Variants in PRDM11 observed in about 807,000 individuals in gnomAD.
PRDM11 encodes PR domain-containing protein 11.
A neutral mutation model predicts 97.8 loss-of-function variants in PRDM11; 20 were observed. The observed-to-expected ratio is 0.20, with a 90% CI of 0.14 to 0.30. The LOEUF is 0.30. Ranked by LOEUF, PRDM11 falls within the 10% of genes least tolerant of loss-of-function variation. PRDM11 has a pLI of 1.00. For synonymous variants in PRDM11, 599 were observed against 637.7 expected (o/e 0.94, Z 0.91); for missense variants, 1,139 against 1,555.2 (o/e 0.73, Z 4.50).
intron 1 of PRDM11, among the ~76,000 whole-genome samples, chr11:45,125,062 T>C (rs1360691030): frequency 6.6e-6 from 1 of 152,152 alleles, no homozygotes; most frequent in Non-Finnish European, 1.5e-5. Flanking sequence ...CCTGGTTTAG[T>C]CTTGGGATGG....
intron 4 of PRDM11, 148 bp downstream of exon 4, chr11:45,183,271 G>A: frequency 8.5e-7 from 1 of 1,179,738 alleles, no homozygotes; most frequent in Non-Finnish European, 1.2e-6. Context: ...CTGTCCCCTG[G>A]CCCCGGCTGA....
chr11:45,183,476 T>G (rs1852592749), intron 4 of PRDM11, among the ~76,000 whole-genome samples: 1 of 152,198 alleles, frequency 6.6e-6, no homozygotes, highest in African/African-American at 2.4e-5. Flanking sequence ...CCTTTGGGGA[T>G]GCAGAGCATG....
In PRDM11 at chr11:45,130,674, A is replaced by G. The variant is rs532355667; in HGVS notation, c.96+34773A>G. Among the ~76,000 whole-genome samples, 3 of 152,254 alleles carry G rather than the reference A, an allele frequency of 2.0e-5. No homozygotes were observed. The South Asian group carries it at 6.2e-4, about 32-fold the overall frequency. ...GAAATTTCGTATTAAGTGTACACCAAATTTTGATATTTACAGCTAAAAGCA... is the reference window on the plus strand; with the variant it reads ...GAAATTTCGTATTAAGTGTACACCAGATTTTGATATTTACAGCTAAAAGCA... On this transcript the variant is annotated intron_variant, in intron 1 of 6. Coordinates refer to the PRDM11 transcript ENST00000530656.
chr11:45,095,625 G>A (rs977051067), upstream of PRDM11, among the ~76,000 whole-genome samples: 2 of 152,202 alleles, frequency 1.3e-5, no homozygotes, highest in Non-Finnish European at 2.9e-5. Context: ...GCAATTACAT[G>A]TCACTATGTG....
At chr11:45,134,211 A>C (rs1409556736) in intron 1 of PRDM11, among the ~76,000 whole-genome samples, 1 of 152,134 alleles carries the variant, frequency 6.6e-6, no homozygotes, top group African/African-American at 2.4e-5. Flanking sequence ...GCCTGAACTG[A>C]ATACTCGGAC....
intron 1 of PRDM11, among the ~76,000 whole-genome samples, chr11:45,173,466 C>G (rs1026303186): frequency 6.6e-6 from 1 of 151,654 alleles, no homozygotes; most frequent in Non-Finnish European, 1.5e-5. Flanking sequence ...TACTAAAAAT[C>G]CAAAAATTAG....
Position 45,227,201 on chromosome 11 carries a change from C to T in PRDM11, c.2576C>T (p.Ala859Val). 6.5e-7 allele frequency: 1 copy of T among 1,533,982 alleles called. No homozygotes were observed. The highest frequency in any genetic ancestry group is 8.7e-7 in the Non-Finnish European group (1 of 1,146,740). The change falls in exon 8 of 8, where the codon GCA (alanine) becomes GTA (valine). Residue 859 changes from alanine to valine, a missense_variant. Around this residue, in one of 2 missense-constraint regions of PRDM11, gnomAD observed 710 missense variants for 1,044.9 expected, o/e 0.68. Coordinates refer to ENST00000683152, the MANE Select transcript of PRDM11 (RefSeq NM_001384648.1). This position sits in a 1 kb window ranked among gnomAD's most constrained non-coding sequence, Gnocchi z 8.0. ...LKEVSSQTQR[A>V]DASAIALALL... ...GAGGTCAGCAGCCAGACCCAGCGGG[C>T]AGACGCCTCGGCCATCGCACTGGCC... is the stretch of plus-strand genomic sequence containing the variant.
intron 5 of PRDM11, among the ~76,000 whole-genome samples, chr11:45,208,254 G>A (rs760770357): frequency 2.0e-5 from 3 of 152,198 alleles, no homozygotes; most frequent in East Asian, 1.9e-4. Flanking sequence ...AGAACTGACC[G>A]GGACGGGGAA....
At chr11:45,122,080 T>C (rs1401470930) in intron 1 of PRDM11, among the ~76,000 whole-genome samples, 1 of 150,560 alleles carries the variant, frequency 6.6e-6, no homozygotes, top group Non-Finnish European at 1.5e-5. Context: ...AAAGCAGAAA[T>C]CAAATAGGAA....
Position 45,233,054 on chromosome 11 carries a change from A to G in PRDM11, c.*4895A>G, listed in dbSNP as rs1380938799. The stretch of plus-strand genomic sequence containing the variant: ...ATATGTTGTATATATGGACATATAC[A>G]GTACGTATACACACAGAGTAAGAGA... On this transcript the variant is annotated 3_prime_UTR_variant, in exon 8 of 8. Coordinates refer to ENST00000683152, the MANE Select transcript of PRDM11 (RefSeq NM_001384648.1). 2.0e-5 allele frequency: 3 copies of G among 152,222 alleles called. No homozygotes were observed. Among genetic ancestry groups the G allele is most frequent in the Non-Finnish European group, 4.4e-5 (3 of 68,048 alleles). 9.4% of individuals were successfully genotyped at this position (152,222 alleles called of 1,614,324 possible).
intron 4 of PRDM11, among the ~76,000 whole-genome samples, chr11:45,191,067 A>T (rs1026189230): frequency 1.8e-4 from 27 of 152,178 alleles, no homozygotes; most frequent in African/African-American, 6.0e-4. Context: ...GGTATCACAC[A>T]TTGCATTTAG....
chr11:45,195,022 G>C (rs867621598), intron 4 of PRDM11, among the ~76,000 whole-genome samples: 1 of 151,894 alleles, frequency 6.6e-6, no homozygotes, highest in African/African-American at 2.4e-5. Flanking sequence ...ATCATCTCCA[G>C]GCCTCAGATG....
At position 45,227,238 on chromosome 11, in the gene PRDM11, C is replaced by T. The variant is rs1308462986; in HGVS notation, c.2613C>T (p.Phe871=). ...ASAIALALLQ[F]LMDYQSIKLI... is the part of the protein sequence containing the mutation. ...CCATCGCACTGGCCCTGCTGCAGTT[C>T]CTCATGGACTACCAGTCCATCAAGC... The change falls in exon 8 of 8, where the codon TTC becomes TTT. Residue 871 remains phenylalanine (F), a synonymous_variant. Coordinates refer to ENST00000683152, the MANE Select transcript of PRDM11 (RefSeq NM_001384648.1). This position sits in a 1 kb window ranked among gnomAD's most constrained non-coding sequence, Gnocchi z 8.0. 9 of 1,534,006 alleles carry T rather than the reference C, an allele frequency of 5.9e-6. No individual in the cohort carries two copies. The highest frequency in any genetic ancestry group is 2.4e-5 in the East Asian group (1 of 40,918).
chr11:45,107,570 T>C (rs1235999158), intron 1 of PRDM11, among the ~76,000 whole-genome samples: 1 of 151,546 alleles, frequency 6.6e-6, no homozygotes, highest in Non-Finnish European at 1.5e-5. Context: ...AAGAGGGAGG[T>C]CTGGACTTCT....
chr11:45,169,231 A>C (rs1225182251), intron 1 of PRDM11, among the ~76,000 whole-genome samples: 3 of 152,258 alleles, frequency 2.0e-5, no homozygotes, highest in Non-Finnish European at 2.9e-5. Context: ...CAACCTCAAC[A>C]ATTAATAGCC....
chr11:45,151,836 G>C (rs1851667328), intron 1 of PRDM11, among the ~76,000 whole-genome samples: 1 of 152,200 alleles, frequency 6.6e-6, no homozygotes. Context: ...GCATGTAAGG[G>C]ACTGGGGAGG....
In PRDM11 at chr11:45,228,323, G is replaced by A. The variant is rs766354935; in HGVS notation, c.*164G>A. The A allele has an allele frequency of 1.4e-4, 33 of 228,544 alleles. No homozygotes were observed. Among genetic ancestry groups the A allele is most frequent in the African/African-American group, 3.3e-4 (14 of 42,248 alleles). The allele number at this position is 228,544 out of a possible 1,614,324, so 14.2% of individuals were successfully genotyped here. ...AAATTTTTAAAAACCAAGGTGACGC[G>A]TCCACCAGAAGCCACTGGGAGATTT... On this transcript the variant is annotated 3_prime_UTR_variant, in exon 8 of 8. Coordinates refer to ENST00000683152, the MANE Select transcript of PRDM11 (RefSeq NM_001384648.1).
At chr11:45,122,011 T>C (rs543774238) in intron 1 of PRDM11, among the ~76,000 whole-genome samples, 2 of 151,920 alleles carry the variant, frequency 1.3e-5, no homozygotes, top group Non-Finnish European at 2.9e-5. Flanking sequence ...CTCAGGAAGA[T>C]AGATAAACAA....
At chr11:45,100,569 G>A (rs1425834133) in intron 1 of PRDM11, among the ~76,000 whole-genome samples, 2 of 152,184 alleles carry the variant, frequency 1.3e-5, no homozygotes. Flanking sequence ...ATCTGCTGCT[G>A]CTGATTGGCT....
Sources: gnomAD v4.1 joint callset for allele counts (sites outside exome capture counted in the v4.1 genomes callset) on GRCh38, gnomAD v4.1.1 for gene constraint, gnomAD v4.1.1 regional missense constraint, Gnocchi (gnomAD v3.1) non-coding constraint, MANE v1.5 for transcripts, NCBI Gene and HGNC (gene_info 2026-07-23, HGNC 2026-07-21) for gene names.